Variants in MAP2K7 observed in about 807,000 individuals in gnomAD.
MAP2K7 encodes dual specificity mitogen-activated protein kinase kinase 7.
In MAP2K7, 12 loss-of-function variants were observed where a neutral mutation model predicts 47.7. That is an observed-to-expected ratio of 0.25 (90% CI 0.16 to 0.41). The LOEUF (loss-of-function observed/expected upper bound fraction) is 0.41, where lower values mean the gene tolerates loss of function less well. MAP2K7 is among the 10% of genes least tolerant of loss of function. MAP2K7 has a pLI of 1.00. For synonymous variants in MAP2K7, 299 were observed against 243.0 expected, an observed-to-expected ratio of 1.23 and a Z score of -2.14; for missense variants, 415 against 600.3, an observed-to-expected ratio of 0.69 and a Z score of 3.23.
At position 7,909,835 on chromosome 19, in the gene MAP2K7, G is replaced by T; in HGVS notation, c.205G>T (p.Ala69Ser). The T allele has an allele frequency of 1.3e-6, 2 of 1,538,418 alleles. No homozygotes were observed. ...ESSPQHPTPPARPRHMLGLPS... is the reference protein window; with the variant it reads ...ESSPQHPTPPSRPRHMLGLPS... Reference sequence around the variant, plus strand: ...CTCCCCGCAGCACCCCACGCCCCCCGCCCGGCCCCGCCACATGCTGGGGCT... The same window carrying T: ...CTCCCCGCAGCACCCCACGCCCCCCTCCCGGCCCCGCCACATGCTGGGGCT... The change falls in exon 2 of 11, where the codon GCC becomes TCC. Residue 69 changes from alanine (A) to serine (S), a missense_variant. Ala to Ser is a moderately conservative substitution (Grantham distance 99). Coordinates refer to ENST00000397979, the MANE Select transcript of MAP2K7 (RefSeq NM_145185.4).
intron 9 of MAP2K7, 86 bp from the exon 10 acceptor site, chr19:7,912,063 C>G: frequency 1.5e-6 from 2 of 1,299,312 alleles, no homozygotes; most frequent in Non-Finnish European, 2.2e-6. Context: ...GACCCCTGGC[C>G]CCTTGGGGAG....
chr19:7,905,135 A>G (rs768393433), intron 1 of MAP2K7, among the ~76,000 whole-genome samples: 1 of 152,058 alleles, frequency 6.6e-6, no homozygotes, highest in Non-Finnish European at 1.5e-5. Context: ...CCCTGTGAAC[A>G]CCACCCCTGA....
Position 7,908,539 on chromosome 19 carries a change from G to GA in MAP2K7, c.125-1215dup, listed in dbSNP as rs1285149501. Among the ~76,000 whole-genome samples the GA allele has an allele frequency of 6.6e-5, 10 of 152,180 alleles. 1 individual carries two copies. The South Asian group carries it at 2.1e-3, about 31-fold the overall frequency. ...TTAGTCCCTGGGCACCAGTCACCAG[G>GA]AGCCTGCAGAACTGTGGGGAGAAAA... On this transcript the variant is annotated intron_variant, in intron 1 of 10. Transcript: ENST00000397979.
chr19:7,904,108 G>A (rs1599618413), intron 1 of MAP2K7, 40 bp downstream of exon 1: 1 of 172,952 alleles, frequency 5.8e-6, no homozygotes, highest in Non-Finnish European at 1.2e-5. Context: ...GGCGGGCGGG[G>A]CGGGGCGCGC....
At chr19:7,907,598 T>G (rs1982548963) in intron 1 of MAP2K7, among the ~76,000 whole-genome samples, 1 of 152,162 alleles carries the variant, frequency 6.6e-6, no homozygotes, top group Non-Finnish European at 1.5e-5. Flanking sequence ...CTCAGGGCCT[T>G]TGTGTACCTC....
Position 7,912,387 on chromosome 19 carries a change from A to G in MAP2K7, c.1216A>G (p.Thr406Ala). The change falls in exon 11 of 11, where the codon ACT becomes GCT. Residue 406 changes from threonine to alanine, a missense_variant. Coordinates refer to ENST00000397979, the MANE Select transcript of MAP2K7 (RefSeq NM_145185.4). ...DVMAKTESPR[T>A]SGVLSQPHLP... ...CATGGCGAAGACTGAGTCACCGCGG[A>G]CTAGCGGCGTCCTGAGCCAGCCCCA... 2 of 1,612,908 alleles carry G rather than the reference A, an allele frequency of 1.2e-6. No homozygotes were observed. Among genetic ancestry groups the G allele is most frequent in the Non-Finnish European group, 1.7e-6 (2 of 1,179,966 alleles).
intron 1 of MAP2K7, 21 bp downstream of exon 1, chr19:7,904,089 GA>G (rs1296410599): frequency 7.9e-7 from 1 of 1,263,538 alleles, no homozygotes; most frequent in Non-Finnish European, 1.0e-6. Context: ...CGGCGTGGGG[GA>G]GGGGGCGGGC....
chr19:7,910,838 T>A (rs1487822272), intron 6 of MAP2K7, 35 bp downstream of exon 6: 1 of 1,577,222 alleles, frequency 6.3e-7, no homozygotes, highest in South Asian at 1.2e-5. Context: ...CTGGGCAGGA[T>A]GACAGAGGCG....
At chr19:7,910,873 C>G in intron 6 of MAP2K7, 70 bp downstream of exon 6, 1 of 1,590,174 alleles carries the variant, frequency 6.3e-7, no homozygotes, top group Non-Finnish European at 8.6e-7. Context: ...GGGGCGTGCA[C>G]TGGGCAAGAT....
At position 7,912,336 on chromosome 19, in the gene MAP2K7, G is replaced by A; in HGVS notation, c.1165G>A (p.Asp389Asn). The A allele has an allele frequency of 6.2e-7, 1 of 1,613,614 alleles. No individual in the cohort carries two copies. Among genetic ancestry groups the A allele is most frequent in the Non-Finnish European group, 8.5e-7 (1 of 1,179,996 alleles). Reference sequence around the variant, plus strand: ...CAAGCGCTACGAGACGCTGGAGGTGGACGTGGCGTCCTGGTTCAAGGATGT... The same window carrying A: ...CAAGCGCTACGAGACGCTGGAGGTGAACGTGGCGTCCTGGTTCAAGGATGT... ...FIKRYETLEVDVASWFKDVMA... is the reference protein window; with the variant it reads ...FIKRYETLEVNVASWFKDVMA... The change falls in exon 11 of 11, where the codon GAC becomes AAC. Residue 389 changes from aspartate to asparagine, a missense_variant. By Grantham distance (23) the Asp-to-Asn change is conservative. Transcript: ENST00000397979.
At chr19:7,908,679 G>T (rs1330894556) in intron 1 of MAP2K7, among the ~76,000 whole-genome samples, 1 of 152,088 alleles carries the variant, frequency 6.6e-6, no homozygotes. Flanking sequence ...TGTAGCCGTT[G>T]TCAGGGCCTC....
At chr19:7,912,016 G>A in intron 9 of MAP2K7, 133 bp from the exon 10 acceptor site, 1 of 791,014 alleles carries the variant, frequency 1.3e-6, no homozygotes. Context: ...GGGGTCCTGA[G>A]GACATCCACA....
chr19:7,905,389 G>C (rs1368305239), intron 1 of MAP2K7, among the ~76,000 whole-genome samples: 1 of 152,138 alleles, frequency 6.6e-6, no homozygotes, highest in African/African-American at 2.4e-5. Context: ...GAGTCTCTTG[G>C]GGGTCCAGAG....
At position 7,911,570 on chromosome 19, in the gene MAP2K7, C is replaced by T. The variant is rs1599628948; in HGVS notation, c.1071C>T (p.Val357=). The change falls in exon 9 of 11, where the codon GTC becomes GTT. Residue 357 remains valine (V), a synonymous_variant. Coordinates refer to ENST00000397979, the MANE Select transcript of MAP2K7 (RefSeq NM_145185.4). ...MGFSGDFQSF[V]KDCLTKDHRK... Reference sequence around the variant, plus strand: ...TCTCGGGGGACTTCCAGTCCTTCGTCAAAGACTGGTGAGAACCTCCCTCCA... The same window carrying T: ...TCTCGGGGGACTTCCAGTCCTTCGTTAAAGACTGGTGAGAACCTCCCTCCA... 1.9e-6 allele frequency: 3 copies of T among 1,591,634 alleles called. No homozygotes were observed. The highest frequency in any genetic ancestry group is 2.6e-6 in the Non-Finnish European group (3 of 1,167,458).
intron 1 of MAP2K7, chr19:7,906,162 T>C (rs1982444638): frequency 2.4e-6 from 1 of 414,740 alleles, no homozygotes; most frequent in Non-Finnish European, 4.5e-6. Context: ...CACGCCTGTG[T>C]GTGTGTAACT....
At chr19:7,904,836 C>G (rs2145127669) in intron 1 of MAP2K7, among the ~76,000 whole-genome samples, 1 of 152,228 alleles carries the variant, frequency 6.6e-6, no homozygotes, top group South Asian at 2.1e-4. Context: ...CACCTGTGTT[C>G]AAGTGATGGC....
intron 1 of MAP2K7, chr19:7,904,577 A>T: frequency 5.3e-6 from 1 of 187,636 alleles, no homozygotes. Context: ...GCCCCTCCCC[A>T]TCTCTTCTGA....
In MAP2K7 at chr19:7,909,725, C is replaced by G. The variant is rs554383841; in HGVS notation, c.125-30C>G. ...CTGACACCAGCTGGGCGCTGACCCC[C>G]CTCCCTGCCACTGGTTCTCACCCCC... On this transcript the variant is annotated intron_variant, in intron 1 of 10. Transcript: ENST00000397979. 7,003 of 1,466,946 alleles carry G rather than the reference C, an allele frequency of 4.8e-3. 40 individuals carry two copies. The highest frequency in any genetic ancestry group is 7.5e-3 in the Admixed American group (359 of 48,080). The allele number at this position is 1,466,946 out of a possible 1,614,324, so 90.9% of individuals were successfully genotyped here.
chr19:7,905,973 C>G, intron 1 of MAP2K7: 1 of 887,528 alleles, frequency 1.1e-6, no homozygotes, highest in Non-Finnish European at 1.9e-6. Context: ...ATGTCCCTTC[C>G]CCTCACTCTC....
Sources: gnomAD v4.1 joint callset for allele counts (sites outside exome capture counted in the v4.1 genomes callset) on GRCh38, gnomAD v4.1.1 for gene constraint, MANE v1.5 for transcripts, NCBI Gene and HGNC (gene_info 2026-07-23, HGNC 2026-07-21) for gene names.